Variants in IMMP2L observed in about 807,000 individuals in gnomAD.
The protein encoded by IMMP2L is inner mitochondrial membrane peptidase subunit 2.
In IMMP2L, 18 loss-of-function variants were observed where a neutral mutation model predicts 19.3. The observed-to-expected ratio is 0.93, with a 90% CI of 0.64 to 1.38. The LOEUF (loss-of-function observed/expected upper bound fraction) is 1.38. Among genes scored for constraint, IMMP2L ranks in the 40% most tolerant of loss-of-function variants. The pLI is 0.00. For synonymous variants in IMMP2L, 76 were observed against 73.0 expected, an observed-to-expected ratio of 1.04 and a Z score of -0.21; for missense variants, 233 against 218.2, an observed-to-expected ratio of 1.07 and a Z score of -0.43.
chr7:111,392,274 T>C (rs1225719708), intron 3 of IMMP2L, among the ~76,000 whole-genome samples: 1 of 152,126 alleles, frequency 6.6e-6, no homozygotes, highest in South Asian at 2.1e-4. Flanking sequence ...TAGCCACATA[T>C]AAATGATCAA....
chr7:110,980,227 C>CTATTTT (rs1821132946), intron 3 of IMMP2L, among the ~76,000 whole-genome samples: 1 of 91,904 alleles, frequency 1.1e-5, no homozygotes, highest in Non-Finnish European at 2.0e-5. Flanking sequence ...TGTGCTGCTT[C>CTATTTT]TTTTTTTTTT....
chr7:110,982,609 T>A (rs1196356095), intron 3 of IMMP2L, among the ~76,000 whole-genome samples: 1 of 152,116 alleles, frequency 6.6e-6, no homozygotes, highest in East Asian at 1.9e-4. Flanking sequence ...ACAACGGGGT[T>A]CATGAACTAT....
intron 3 of IMMP2L, among the ~76,000 whole-genome samples, chr7:111,206,550 A>G (rs569214961): frequency 2.6e-5 from 4 of 152,300 alleles, no homozygotes; most frequent in African/African-American, 9.6e-5. Context: ...TATGGGGTAC[A>G]TGAGATATTT....
At chr7:110,989,600 T>A (rs2129559363) in intron 3 of IMMP2L, among the ~76,000 whole-genome samples, 1 of 151,186 alleles carries the variant, frequency 6.6e-6, no homozygotes, top group Middle Eastern at 3.4e-3. Flanking sequence ...GTTAATTTTC[T>A]ATTTTTATGG....
At chr7:111,352,825 T>C (rs2130903308) in intron 3 of IMMP2L, among the ~76,000 whole-genome samples, 1 of 152,276 alleles carries the variant, frequency 6.6e-6, no homozygotes, top group South Asian at 2.1e-4. Flanking sequence ...GTGAACTATC[T>C]GTAGTCTTAG....
intron 5 of IMMP2L, among the ~76,000 whole-genome samples, chr7:110,692,360 G>C (rs967394300): frequency 6.6e-6 from 1 of 152,016 alleles, no homozygotes; most frequent in African/African-American, 2.4e-5. Flanking sequence ...TAAATGGGAG[G>C]AGGGTGATGG....
chr7:110,666,858 A>C (rs1791494337), intron 5 of IMMP2L, among the ~76,000 whole-genome samples: 1 of 152,146 alleles, frequency 6.6e-6, no homozygotes, highest in Admixed American at 6.5e-5. Context: ...ACAAATTAAG[A>C]TGTCTGTGTA....
At chr7:111,427,237 C>T (rs542508277) in intron 3 of IMMP2L, among the ~76,000 whole-genome samples, 2 of 151,600 alleles carry the variant, frequency 1.3e-5, no homozygotes, top group Non-Finnish European at 2.9e-5. Context: ...CTGAGTTGGG[C>T]CAGAAGTTCA....
At chr7:111,223,221 A>G (rs1812716297) in intron 3 of IMMP2L, among the ~76,000 whole-genome samples, 2 of 152,056 alleles carry the variant, frequency 1.3e-5, no homozygotes, top group South Asian at 4.1e-4. Context: ...AGTGATGGAC[A>G]CAGCCTCACG....
chr7:110,967,106 G>T (rs1393301425), intron 3 of IMMP2L, among the ~76,000 whole-genome samples: 1 of 152,026 alleles, frequency 6.6e-6, no homozygotes, highest in African/African-American at 2.4e-5. Context: ...CCAGAGACTT[G>T]GATGAGGAGC....
chr7:111,106,143 C>A (rs542868539), intron 3 of IMMP2L, among the ~76,000 whole-genome samples: 174 of 152,042 alleles, frequency 1.1e-3, no homozygotes, highest in Non-Finnish European at 2.2e-3. Flanking sequence ...TTGGAGCAGA[C>A]AAATTAGCAC....
At chr7:111,496,457 G>A (rs552709319) in intron 2 of IMMP2L, among the ~76,000 whole-genome samples, 1 of 152,260 alleles carries the variant, frequency 6.6e-6, no homozygotes, top group African/African-American at 2.4e-5. Context: ...GTGAGGGAGT[G>A]TTCCCAGGAG....
At chr7:111,368,219 T>C (rs1352172167) in intron 3 of IMMP2L, among the ~76,000 whole-genome samples, 1 of 151,938 alleles carries the variant, frequency 6.6e-6, no homozygotes, top group Non-Finnish European at 1.5e-5. Flanking sequence ...CAGCCCAGCA[T>C]CCAGCCCTTT....
chr7:110,992,535 T>C (rs1822586919), intron 3 of IMMP2L, among the ~76,000 whole-genome samples: 1 of 151,906 alleles, frequency 6.6e-6, no homozygotes, highest in Non-Finnish European at 1.5e-5. Context: ...GAACAGAATT[T>C]AAGCCATATT....
chr7:110,884,621 C>T lies in IMMP2L; in HGVS notation c.408+1972G>A, dbSNP rs114592378. Among the ~76,000 whole-genome samples, 750 of 152,032 alleles carry T rather than the reference C, an allele frequency of 4.9e-3. 7 individuals carry two copies. The highest frequency in any genetic ancestry group is 0.017 in the African/African-American group (714 of 41,526). On this transcript the variant is annotated intron_variant, in intron 5 of 5. Transcript: ENST00000405709. ...TCACACGCAATGGAAACATTTCATA[C>T]CCAATCATATCTGTGATGAGAGAGA...
chr7:111,552,522 A>G lies in IMMP2L; in HGVS notation c.-3+9329T>C, dbSNP rs564415312. Reference sequence around the variant, plus strand: ...AGGCTGTTCTCAAACTCCTGACCTCAAGTGATCCACCTGCCTCGGCCTCCC... The same window carrying G: ...AGGCTGTTCTCAAACTCCTGACCTCGAGTGATCCACCTGCCTCGGCCTCCC... On this transcript the variant is annotated intron_variant, in intron 1 of 5. Transcript: ENST00000405709. Among the ~76,000 whole-genome samples, 31 of 152,306 alleles carry G rather than the reference A, an allele frequency of 2.0e-4. No individual in the cohort carries two copies. In the East Asian group the frequency reaches 5.6e-3, roughly 28 times the overall value.
At chr7:111,033,719 C>CT (rs1378942302) in intron 3 of IMMP2L, among the ~76,000 whole-genome samples, 1 of 152,130 alleles carries the variant, frequency 6.6e-6, no homozygotes, top group Non-Finnish European at 1.5e-5. Context: ...TCTGAGGAAG[C>CT]TACATACTAT....
chr7:111,156,129 C>T (rs1290178091), intron 3 of IMMP2L, among the ~76,000 whole-genome samples: 1 of 152,034 alleles, frequency 6.6e-6, no homozygotes, highest in Non-Finnish European at 1.5e-5. Context: ...CCATTGTTCA[C>T]AGTTGATTTA....
intron 5 of IMMP2L, among the ~76,000 whole-genome samples, chr7:110,741,995 G>A (rs1028662011): frequency 2.6e-5 from 4 of 152,110 alleles, no homozygotes; most frequent in Non-Finnish European, 4.4e-5. Flanking sequence ...AGTCTATTGA[G>A]GGAAAGTCTA....
Sources: gnomAD v4.1 joint callset for allele counts (sites outside exome capture counted in the v4.1 genomes callset) on GRCh38, gnomAD v4.1.1 for gene constraint, MANE v1.5 for transcripts, NCBI Gene and HGNC (gene_info 2026-07-23, HGNC 2026-07-21) for gene names.